Variants in PPP3CA observed in about 807,000 individuals in gnomAD.
PPP3CA encodes CAM-PRP catalytic subunit.
Under a neutral mutation model 66.5 loss-of-function variants are expected in PPP3CA, and 14 were observed. That is an observed-to-expected ratio of 0.21 (90% CI 0.14 to 0.33). The LOEUF (loss-of-function observed/expected upper bound fraction) is 0.33, where lower values mean the gene tolerates loss of function less well. Ranked by LOEUF, PPP3CA falls within the 10% of genes least tolerant of loss-of-function variation. The pLI, the probability that PPP3CA is intolerant of heterozygous loss-of-function variation, is 1.00. For missense variants in PPP3CA, 317 were observed against 639.5 expected, an observed-to-expected ratio of 0.50 and a Z score of 5.44; for synonymous variants, 232 against 226.2, an observed-to-expected ratio of 1.03 and a Z score of -0.23.
At chr4:101,319,274 T>G (rs1728970053) in intron 1 of PPP3CA, among the ~76,000 whole-genome samples, 1 of 152,046 alleles carries the variant, frequency 6.6e-6, no homozygotes, top group South Asian at 2.1e-4. Context: ...ATTATTACTT[T>G]TAAAAACTCT....
intron 1 of PPP3CA, among the ~76,000 whole-genome samples, chr4:101,200,421 T>C (rs1724931052): frequency 6.6e-6 from 1 of 152,144 alleles, no homozygotes; most frequent in Non-Finnish European, 1.5e-5. Flanking sequence ...TCAGTAGATC[T>C]CAATCTGGAC....
intron 1 of PPP3CA, among the ~76,000 whole-genome samples, chr4:101,309,985 A>G (rs1306523571): frequency 2.0e-5 from 3 of 152,226 alleles, no homozygotes; most frequent in Admixed American, 2.0e-4. Context: ...TTTCAAATGA[A>G]AAGATCAGTG....
chr4:101,057,201 T>C (rs1205221465), intron 10 of PPP3CA, among the ~76,000 whole-genome samples: 3 of 151,970 alleles, frequency 2.0e-5, no homozygotes, highest in African/African-American at 7.3e-5. Flanking sequence ...AATACGGATG[T>C]GCACCACCAT....
chr4:101,346,900 G>GCCGCCA lies in PPP3CA; in HGVS notation c.-105_-104insTGGCGG. ...CAACGCCGCCGCCGCCGCCGCCGCCGCCGCGCTGCAAACCGCTCGGCTGGA... is the reference window on the plus strand; with the variant it reads ...CAACGCCGCCGCCGCCGCCGCCGCCGCCGCCACCGCGCTGCAAACCGCTCGGCTGGA... On this transcript the variant is annotated 5_prime_UTR_variant, in exon 1 of 14. Transcript: ENST00000394854. 7.2e-7 allele frequency: 1 copy of GCCGCCA among 1,390,132 alleles called. No individual in the cohort carries two copies. Among genetic ancestry groups the GCCGCCA allele is most frequent in the Non-Finnish European group, 9.9e-7 (1 of 1,008,788 alleles). The allele number at this position is 1,390,132 out of a possible 1,614,324, so 86.1% of individuals were successfully genotyped here. A position where few individuals can be genotyped will look rare whatever the true frequency, so the allele number is the denominator to read the frequency against.
intron 6 of PPP3CA, among the ~76,000 whole-genome samples, chr4:101,084,240 C>A (rs1246766662): frequency 6.6e-6 from 1 of 152,052 alleles, no homozygotes; most frequent in Non-Finnish European, 1.5e-5. Flanking sequence ...GGGAAACATT[C>A]TAGTAATGTA....
At chr4:101,279,477 T>C (rs149116888) in intron 1 of PPP3CA, among the ~76,000 whole-genome samples, 31 of 152,296 alleles carry the variant, frequency 2.0e-4, no homozygotes, top group Non-Finnish European at 3.8e-4. Context: ...GGGCAGCCAA[T>C]GATCAATTAG....
At position 101,239,509 on chromosome 4, in the gene PPP3CA, T is replaced by C. The variant is rs1048575745; in HGVS notation, c.59-43393A>G. Among the ~76,000 whole-genome samples the C allele has an allele frequency of 5.3e-5, 8 of 152,100 alleles. No individual in the cohort carries two copies. In the South Asian group the frequency reaches 6.2e-4, roughly 12 times the overall value. ...GTATAGGACAAGACCTAAGGACAAT[T>C]AGGAAATTTAGTTATCACAATTTGG... On this transcript the variant is annotated intron_variant, in intron 1 of 13. Transcript: ENST00000394854.
chr4:101,278,073 T>G (rs1163041455), intron 1 of PPP3CA, among the ~76,000 whole-genome samples: 1 of 146,400 alleles, frequency 6.8e-6, no homozygotes, highest in East Asian at 2.0e-4. Context: ...AAGGGCCACT[T>G]CTTAATTCTG....
At chr4:101,138,074 G>A (rs1414925445) in intron 2 of PPP3CA, among the ~76,000 whole-genome samples, 1 of 152,088 alleles carries the variant, frequency 6.6e-6, no homozygotes, top group Non-Finnish European at 1.5e-5. Context: ...ACTCATCTGG[G>A]CAGAAATAAG....
At chr4:101,157,996 T>A (rs1182382935) in intron 2 of PPP3CA, among the ~76,000 whole-genome samples, 1 of 152,038 alleles carries the variant, frequency 6.6e-6, no homozygotes, top group Non-Finnish European at 1.5e-5. Context: ...AATAATGATG[T>A]CATATTGATA....
At chr4:101,191,728 G>GAATTCTCCT (rs1438425581) in intron 2 of PPP3CA, among the ~76,000 whole-genome samples, 2 of 152,184 alleles carry the variant, frequency 1.3e-5, no homozygotes, top group Non-Finnish European at 2.9e-5. Context: ...CAGGCAAGGG[G>GAATTCTCCT]AATTCTCCTA....
chr4:101,049,756 G>A (rs559824262), intron 10 of PPP3CA, among the ~76,000 whole-genome samples: 2 of 152,022 alleles, frequency 1.3e-5, no homozygotes, highest in African/African-American at 4.8e-5. Context: ...CAAAGTGAAG[G>A]GAGAAAACAA....
At chr4:101,224,143 T>A (rs954836064) in intron 1 of PPP3CA, among the ~76,000 whole-genome samples, 1 of 151,692 alleles carries the variant, frequency 6.6e-6, no homozygotes, top group Non-Finnish European at 1.5e-5. Context: ...ACCAGGACAC[T>A]ATGAGGAATG....
chr4:101,037,809 A>T (rs1727317859), intron 11 of PPP3CA, among the ~76,000 whole-genome samples: 1 of 152,192 alleles, frequency 6.6e-6, no homozygotes, highest in South Asian at 2.1e-4. Context: ...TATGGACTTC[A>T]GTATATTTTC....
At chr4:101,208,529 C>T (rs1417444470) in intron 1 of PPP3CA, among the ~76,000 whole-genome samples, 1 of 152,136 alleles carries the variant, frequency 6.6e-6, no homozygotes, top group Non-Finnish European at 1.5e-5. Context: ...CTATATTTCA[C>T]GATAGTCCTA....
At chr4:101,087,922 C>T (rs1729740614) in intron 6 of PPP3CA, among the ~76,000 whole-genome samples, 1 of 152,060 alleles carries the variant, frequency 6.6e-6, no homozygotes. Context: ...CTGCAGAATT[C>T]CCAGTGTTAC....
chr4:101,049,564 C>G (rs1401369982), intron 10 of PPP3CA, among the ~76,000 whole-genome samples: 1 of 151,812 alleles, frequency 6.6e-6, no homozygotes, highest in Non-Finnish European at 1.5e-5. Flanking sequence ...TCAAAGATTG[C>G]TCTTGACATG....
chr4:101,255,035 C>CAAA (rs1163406764), intron 1 of PPP3CA, among the ~76,000 whole-genome samples: 141 of 44,248 alleles, frequency 3.2e-3, no homozygotes, highest in Middle Eastern at 0.019. Context: ...AGTCCCGTCT[C>CAAA]AAAAAAAAAA....
chr4:101,289,615 G>C (rs1727954234), intron 1 of PPP3CA, among the ~76,000 whole-genome samples: 1 of 152,114 alleles, frequency 6.6e-6, no homozygotes, highest in South Asian at 2.1e-4. Context: ...GAGTTAATGA[G>C]TCAAAGATTG....
Sources: gnomAD v4.1 joint callset for allele counts (sites outside exome capture counted in the v4.1 genomes callset) on GRCh38, gnomAD v4.1.1 for gene constraint, MANE v1.5 for transcripts, NCBI Gene and HGNC (gene_info 2026-07-23, HGNC 2026-07-21) for gene names.